The following KHDRBS2 variants were observed in gnomAD, a reference collection of about 807,000 sequenced individuals.
KHDRBS2 encodes KH RNA binding domain containing, signal transduction associated 2.
Under a neutral mutation model 44.3 loss-of-function variants are expected in KHDRBS2, and 26 were observed. The ratio of observed to expected loss-of-function variants is 0.59; its 90% CI spans 0.43 to 0.81. The LOEUF is 0.81. Among genes scored for constraint, KHDRBS2 ranks in the 40% least tolerant of loss-of-function variants. The pLI, the probability that KHDRBS2 is intolerant of heterozygous loss-of-function variation, is 0.00. For missense variants in KHDRBS2, 476 were observed against 433.1 expected, an observed-to-expected ratio of 1.10 and a Z score of -0.88; for synonymous variants, 194 against 151.1, an observed-to-expected ratio of 1.28 and a Z score of -2.08.
At chr6:61,651,924 T>C in the KHDRBS2 span, among the ~76,000 whole-genome samples, 1 of 152,210 alleles carries the variant, frequency 6.6e-6, no homozygotes, top group Non-Finnish European at 1.5e-5. Flanking sequence ...GCTTTTTAAT[T>C]GTAATATTCA....
intron 3 of KHDRBS2, among the ~76,000 whole-genome samples, chr6:61,990,606 TA>T (rs1382430111): frequency 4.6e-5 from 7 of 152,110 alleles, no homozygotes; most frequent in African/African-American, 1.7e-4. Context: ...AATTTAGAAA[TA>T]AGAAGAATAA....
chr6:61,696,319 G>A (rs557887744), intron 8 of KHDRBS2, among the ~76,000 whole-genome samples: 28 of 151,846 alleles, frequency 1.8e-4, no homozygotes, highest in African/African-American at 6.0e-4. Flanking sequence ...GCGGTGGCAC[G>A]ATCTCGGCTC....
intron 2 of KHDRBS2, among the ~76,000 whole-genome samples, chr6:62,070,029 T>A (rs1794617533): frequency 6.6e-6 from 1 of 151,734 alleles, no homozygotes; most frequent in Non-Finnish European, 1.5e-5. Context: ...AAGGTGTTAA[T>A]TTTTGTCAGA....
intron 1 of KHDRBS2, among the ~76,000 whole-genome samples, chr6:62,277,106 A>G (rs953779166): frequency 7.9e-5 from 12 of 152,148 alleles, no homozygotes; most frequent in African/African-American, 2.7e-4. Context: ...TACCATAAAC[A>G]ACAGAAGTTA....
intron 1 of KHDRBS2, among the ~76,000 whole-genome samples, chr6:62,226,631 T>C (rs1831880871): frequency 6.6e-6 from 1 of 152,246 alleles, no homozygotes; most frequent in Non-Finnish European, 1.5e-5. Context: ...TCAATGATAC[T>C]GCTTAAGTTT....
intron 4 of KHDRBS2, among the ~76,000 whole-genome samples, chr6:61,912,943 C>G (rs1011346871): frequency 6.6e-6 from 1 of 152,174 alleles, no homozygotes; most frequent in African/African-American, 2.4e-5. Flanking sequence ...CGCCTGCTCT[C>G]TTGGAATCAC....
At chr6:61,943,973 T>G (rs1812676902) in intron 4 of KHDRBS2, among the ~76,000 whole-genome samples, 1 of 152,072 alleles carries the variant, frequency 6.6e-6, no homozygotes, top group Admixed American at 6.6e-5. Context: ...CTCATCCCTG[T>G]TAGAATAGCT....
At chr6:62,088,269 G>A (rs1244377283) in intron 2 of KHDRBS2, among the ~76,000 whole-genome samples, 1 of 152,204 alleles carries the variant, frequency 6.6e-6, no homozygotes, top group African/African-American at 2.4e-5. Context: ...TTTTGGAGGA[G>A]AAGAGGCATT....
chr6:61,717,394 C>T (rs75167120), intron 7 of KHDRBS2, among the ~76,000 whole-genome samples: 2 of 152,064 alleles, frequency 1.3e-5, no homozygotes, highest in African/African-American at 2.4e-5. Flanking sequence ...GAATTCTCAT[C>T]CTGTGATGGT....
the KHDRBS2 span, among the ~76,000 whole-genome samples, chr6:61,543,430 G>A: frequency 1.3e-3 from 191 of 151,944 alleles, no homozygotes; most frequent in Non-Finnish European, 2.2e-3. Context: ...GCTTTTATCC[G>A]AAAGACAGGC....
chr6:62,109,521 C>T (rs1419982480), intron 2 of KHDRBS2, among the ~76,000 whole-genome samples: 1 of 151,816 alleles, frequency 6.6e-6, no homozygotes, highest in African/African-American at 2.4e-5. Context: ...TCACAGATGA[C>T]TCTCAACTGT....
intron 2 of KHDRBS2, among the ~76,000 whole-genome samples, chr6:62,162,490 T>C (rs142792656): frequency 1.2e-4 from 19 of 152,224 alleles, no homozygotes; most frequent in Admixed American, 2.6e-4. Flanking sequence ...TGCTTCTCTC[T>C]TGCTGCTTTC....
intron 2 of KHDRBS2, among the ~76,000 whole-genome samples, chr6:62,057,010 C>A (rs1372009335): frequency 6.6e-6 from 1 of 151,918 alleles, no homozygotes; most frequent in Admixed American, 6.6e-5. Flanking sequence ...TTTACACACT[C>A]TGTTAAAATA....
At chr6:61,671,105 A>G in the KHDRBS2 span, among the ~76,000 whole-genome samples, 2 of 151,836 alleles carry the variant, frequency 1.3e-5, no homozygotes, top group South Asian at 4.1e-4. Context: ...TTTAGAGGAT[A>G]CGAAATATGG....
chr6:61,919,398 A>G (rs1463665906), intron 4 of KHDRBS2, among the ~76,000 whole-genome samples: 2 of 151,902 alleles, frequency 1.3e-5, no homozygotes, highest in Admixed American at 1.3e-4. Flanking sequence ...AAAATGGGCA[A>G]TAAATGACAG....
At chr6:61,663,164 G>A in the KHDRBS2 span, among the ~76,000 whole-genome samples, 7 of 145,338 alleles carry the variant, frequency 4.8e-5, no homozygotes, top group East Asian at 8.6e-4. Context: ...AAAACCAAAC[G>A]CCGCGTGTTC....
intron 3 of KHDRBS2, among the ~76,000 whole-genome samples, chr6:62,021,490 C>A (rs1782299456): frequency 6.6e-6 from 1 of 151,858 alleles, no homozygotes; most frequent in African/African-American, 2.4e-5. Context: ...TCCATTCTGA[C>A]AGTCCTCTTT....
chr6:61,724,219 C>T (rs1463774495), intron 7 of KHDRBS2, among the ~76,000 whole-genome samples: 1 of 152,030 alleles, frequency 6.6e-6, no homozygotes, highest in Non-Finnish European at 1.5e-5. Flanking sequence ...CCAAACTAAG[C>T]TTCATAAATG....
chr6:61,815,141 G>A (rs1161542801), intron 6 of KHDRBS2, among the ~76,000 whole-genome samples: 1 of 151,508 alleles, frequency 6.6e-6, no homozygotes, highest in Non-Finnish European at 1.5e-5. Context: ...TGAATCCATG[G>A]ATGCAAAACC....
Sources: allele counts gnomAD v4.1 joint callset (sites outside exome capture counted in the v4.1 genomes callset), GRCh38; gene constraint gnomAD v4.1.1; transcripts MANE v1.5; gene names NCBI Gene and HGNC (gene_info 2026-07-23, HGNC 2026-07-21).